Variants in SYNPR observed in about 807,000 individuals in gnomAD.
SYNPR encodes synaptoporin.
SYNPR carries 23 observed loss-of-function variants against 32.9 expected under a neutral mutation model. The ratio of observed to expected loss-of-function variants is 0.70; its 90% CI spans 0.50 to 0.99. SYNPR has a LOEUF of 0.99. SYNPR is among the 50% of genes least tolerant of loss of function. The pLI, the probability that SYNPR is intolerant of heterozygous loss-of-function variation, is 0.00. For synonymous variants in SYNPR, 146 were observed against 135.9 expected, an observed-to-expected ratio of 1.07 and a Z score of -0.52; for missense variants, 318 against 349.3, an observed-to-expected ratio of 0.91 and a Z score of 0.71.
chr3:63,318,971 C>A (rs984600505), intron 2 of SYNPR, among the ~76,000 whole-genome samples: 1 of 151,976 alleles, frequency 6.6e-6, no homozygotes, highest in Non-Finnish European at 1.5e-5. Flanking sequence ...TAGTACTCTC[C>A]CCCTTTCCTA....
At chr3:63,599,772 G>A (rs968160836) in intron 4 of SYNPR, among the ~76,000 whole-genome samples, 1 of 152,242 alleles carries the variant, frequency 6.6e-6, no homozygotes, top group East Asian at 1.9e-4. Context: ...TATTTTTACT[G>A]TATAGTATTT....
At chr3:63,551,876 T>TTTA (rs1327189664) in intron 3 of SYNPR, among the ~76,000 whole-genome samples, 1 of 44,168 alleles carries the variant, frequency 2.3e-5, no homozygotes, top group African/African-American at 6.5e-5. Context: ...TAGCTATTTA[T>TTTA]TTATTTATTT....
At chr3:63,375,722 T>C (rs1489232332) in intron 2 of SYNPR, among the ~76,000 whole-genome samples, 1 of 151,986 alleles carries the variant, frequency 6.6e-6, no homozygotes, top group Admixed American at 6.6e-5. Flanking sequence ...AGTATAATAA[T>C]AATAATAATA....
intron 5 of SYNPR, among the ~76,000 whole-genome samples, chr3:63,613,610 CAAAAAAAAAAAAA>C (rs10566584): frequency 5.2e-4 from 24 of 46,054 alleles, no homozygotes; most frequent in South Asian, 5.0e-3. Flanking sequence ...TATGCTGCAG[CAAAAAAAAAAAAA>C]AAAAAAAAAA....
chr3:63,478,793 C>A (rs1019012857), intron 2 of SYNPR, among the ~76,000 whole-genome samples: 1 of 152,124 alleles, frequency 6.6e-6, no homozygotes, highest in South Asian at 2.1e-4. Flanking sequence ...TCCATTGCCA[C>A]GGCATGGGGC....
intron 3 of SYNPR, among the ~76,000 whole-genome samples, chr3:63,523,625 G>A (rs1447026352): frequency 6.6e-6 from 1 of 152,242 alleles, no homozygotes; most frequent in East Asian, 1.9e-4. Flanking sequence ...GCACTGTGAT[G>A]GGGGCCACTC....
chr3:63,253,774 C>T (rs1205715625), intron 2 of SYNPR, among the ~76,000 whole-genome samples: 1 of 152,106 alleles, frequency 6.6e-6, no homozygotes, highest in Non-Finnish European at 1.5e-5. Context: ...CCTCAGGGAT[C>T]TAGAACTAGA....
intron 2 of SYNPR, among the ~76,000 whole-genome samples, chr3:63,389,718 G>A (rs371264554): frequency 4.6e-5 from 7 of 152,182 alleles, no homozygotes; most frequent in South Asian, 2.1e-4. Context: ...ATGGATAAAC[G>A]AATGTCAAGA....
chr3:63,314,694 T>C (rs2087022452), intron 2 of SYNPR, among the ~76,000 whole-genome samples: 1 of 152,060 alleles, frequency 6.6e-6, no homozygotes, highest in Non-Finnish European at 1.5e-5. Context: ...CTCTGCTGCC[T>C]GCTCCTTTTG....
At chr3:63,561,459 G>A (rs1342678433) in intron 4 of SYNPR, 1 of 152,154 alleles carries the variant, frequency 6.6e-6, no homozygotes, top group Non-Finnish European at 1.5e-5. Flanking sequence ...CCATGCAAGA[G>A]GCCCAAGATC....
At chr3:63,325,753 T>C (rs930064231) in intron 2 of SYNPR, among the ~76,000 whole-genome samples, 21 of 151,870 alleles carry the variant, frequency 1.4e-4, no homozygotes, top group African/African-American at 5.1e-4. Context: ...CGGTGGAAAC[T>C]GTCCATCCAC....
intron 3 of SYNPR, among the ~76,000 whole-genome samples, chr3:63,516,769 T>C (rs1297578579): frequency 6.6e-6 from 1 of 152,136 alleles, no homozygotes; most frequent in African/African-American, 2.4e-5. Flanking sequence ...TATTCATCTT[T>C]AGTTTTTTCT....
chr3:63,500,615 T>C (rs949907772), intron 3 of SYNPR, among the ~76,000 whole-genome samples: 1 of 152,154 alleles, frequency 6.6e-6, no homozygotes, highest in Non-Finnish European at 1.5e-5. Flanking sequence ...AAAATGAGTG[T>C]CCCTTGGGAA....
At chr3:63,494,773 G>A (rs2106724505) in intron 3 of SYNPR, among the ~76,000 whole-genome samples, 1 of 152,058 alleles carries the variant, frequency 6.6e-6, no homozygotes, top group African/African-American at 2.4e-5. Flanking sequence ...TAAGTGGCAA[G>A]GCCATACTTA....
chr3:63,332,316 T>C (rs2087239637), intron 2 of SYNPR, among the ~76,000 whole-genome samples: 1 of 152,198 alleles, frequency 6.6e-6, no homozygotes, highest in Non-Finnish European at 1.5e-5. Flanking sequence ...TCTGCCACCC[T>C]CCATCCTCAG....
intron 2 of SYNPR, among the ~76,000 whole-genome samples, chr3:63,298,357 A>G (rs954691): frequency 6.6e-6 from 1 of 152,090 alleles, no homozygotes; most frequent in African/African-American, 2.4e-5. Flanking sequence ...TATATACATC[A>G]CCTTACTTTG....
chr3:63,474,586 G>C (rs1234135198), intron 2 of SYNPR, among the ~76,000 whole-genome samples: 5 of 109,046 alleles, frequency 4.6e-5, no homozygotes, highest in African/African-American at 1.8e-4. Context: ...TCCAAATTTA[G>C]AGGCAGTATG....
intron 3 of SYNPR, among the ~76,000 whole-genome samples, chr3:63,547,216 C>T (rs1024930147): frequency 6.6e-6 from 1 of 152,088 alleles, no homozygotes; most frequent in Non-Finnish European, 1.5e-5. Context: ...TTGTCACCTT[C>T]CACAAGTGAG....
At chr3:63,218,120 A>T in the SYNPR span, among the ~76,000 whole-genome samples, 1 of 152,204 alleles carries the variant, frequency 6.6e-6, no homozygotes, top group East Asian at 1.9e-4. Flanking sequence ...GTAACAGAGC[A>T]AGACCTTGTC....
Sources: allele counts gnomAD v4.1 joint callset (sites outside exome capture counted in the v4.1 genomes callset), GRCh38; gene constraint gnomAD v4.1.1; transcripts MANE v1.5; gene names NCBI Gene and HGNC (gene_info 2026-07-23, HGNC 2026-07-21).